Variants in FUT8 observed in about 807,000 individuals in gnomAD.
FUT8 encodes the protein fucosyltransferase 8.
Under a neutral mutation model 71.3 loss-of-function variants are expected in FUT8, and 29 were observed. That is an observed-to-expected ratio of 0.41 (90% CI 0.30 to 0.55). The LOEUF (loss-of-function observed/expected upper bound fraction) is 0.55. Ranked by LOEUF, FUT8 falls within the 20% of genes least tolerant of loss-of-function variation. FUT8 has a pLI of 0.34. For missense variants in FUT8, 544 were observed against 702.1 expected (o/e 0.77, Z 2.55); for synonymous variants, 254 against 239.3 (o/e 1.06, Z -0.57).
At chr14:65,602,473 A>G (rs924006003) in intron 3 of FUT8, among the ~76,000 whole-genome samples, 2 of 150,724 alleles carry the variant, frequency 1.3e-5, no homozygotes, top group Non-Finnish European at 1.5e-5. Context: ...TTGTGCTGCT[A>G]TAAACATGCA....
intron 6 of FUT8, among the ~76,000 whole-genome samples, chr14:65,641,718 A>G (rs1466781529): frequency 6.8e-6 from 1 of 148,106 alleles, no homozygotes; most frequent in Non-Finnish European, 1.5e-5. Flanking sequence ...GTGTATGTGT[A>G]GGGGTATGTC....
intron 6 of FUT8, among the ~76,000 whole-genome samples, chr14:65,641,609 G>A (rs1890836692): frequency 6.6e-6 from 1 of 152,070 alleles, no homozygotes; most frequent in Admixed American, 6.5e-5. Flanking sequence ...AAGTGATTGT[G>A]CCATTTTATA....
chr14:65,698,444 G>GA (rs1894107572), intron 7 of FUT8, among the ~76,000 whole-genome samples: 1 of 152,184 alleles, frequency 6.6e-6, no homozygotes, highest in Non-Finnish European at 1.5e-5. Flanking sequence ...TGAGGCAGAA[G>GA]ACCTATGTAT....
chr14:65,510,590 G>C (rs1180700316), intron 2 of FUT8, among the ~76,000 whole-genome samples: 3 of 151,988 alleles, frequency 2.0e-5, no homozygotes, highest in African/African-American at 4.8e-5. Flanking sequence ...TTTAATTATG[G>C]CTTCAATTTC....
intron 2 of FUT8, among the ~76,000 whole-genome samples, chr14:65,459,787 G>A (rs750486613): frequency 1.3e-5 from 2 of 152,064 alleles, no homozygotes; most frequent in African/African-American, 4.8e-5. Flanking sequence ...CACGAACACT[G>A]CCAGGCCTTG....
chr14:65,397,499 T>G, the FUT8 span, among the ~76,000 whole-genome samples: 1 of 152,214 alleles, frequency 6.6e-6, no homozygotes, highest in Non-Finnish European at 1.5e-5. The surrounding 1 kb of genome is among the most constrained non-coding windows in gnomAD (Gnocchi z 4.2). Flanking sequence ...ATTTTCCCCA[T>G]GTCAGTGTGG....
At chr14:65,394,684 A>C in the FUT8 span, among the ~76,000 whole-genome samples, 90,487 of 151,478 alleles carry the variant, frequency 0.6, 27,213 homozygotes, top group East Asian at 0.77. Flanking sequence ...CCAAATGGGA[A>C]AAATTGGCCA....
chr14:65,642,274 G>A, intron 6 of FUT8, among the ~76,000 whole-genome samples: 1 of 152,022 alleles, frequency 6.6e-6, no homozygotes, highest in East Asian at 1.9e-4. Flanking sequence ...CAAAGATTAT[G>A]TCTTTCCTAT....
intron 6 of FUT8, among the ~76,000 whole-genome samples, chr14:65,637,790 G>T (rs1275899127): frequency 6.6e-6 from 1 of 152,080 alleles, no homozygotes. Flanking sequence ...AAAGCAGGTT[G>T]CCAGAAACGG....
chr14:65,690,809 C>T (rs1157073925), intron 7 of FUT8, among the ~76,000 whole-genome samples: 2 of 151,826 alleles, frequency 1.3e-5, no homozygotes, highest in African/African-American at 4.8e-5. Flanking sequence ...ACTGCAACCT[C>T]TGCCTCCCGG....
At chr14:65,446,608 C>G (rs555648582) in intron 1 of FUT8, among the ~76,000 whole-genome samples, 2 of 146,978 alleles carry the variant, frequency 1.4e-5, no homozygotes, top group Admixed American at 6.8e-5. Context: ...ATACTTGATT[C>G]TTTATTTTTA....
chr14:65,476,990 AT>A (rs2066256142), intron 2 of FUT8, among the ~76,000 whole-genome samples: 1 of 152,238 alleles, frequency 6.6e-6, no homozygotes. Flanking sequence ...AATTAGATTT[AT>A]TCCAAATGTA....
At chr14:65,459,306 A>G (rs1026849207) in intron 2 of FUT8, among the ~76,000 whole-genome samples, 2 of 152,212 alleles carry the variant, frequency 1.3e-5, no homozygotes, top group African/African-American at 2.4e-5. Context: ...TTATGAAAAT[A>G]AAAGCCATAT....
intron 2 of FUT8, among the ~76,000 whole-genome samples, chr14:65,469,747 G>A (rs2066107894): frequency 6.6e-6 from 1 of 152,182 alleles, no homozygotes; most frequent in Non-Finnish European, 1.5e-5. Flanking sequence ...CCAGCTCTCA[G>A]CAGAGACGAT....
At chr14:65,523,845 G>T (rs991216031) in intron 2 of FUT8, among the ~76,000 whole-genome samples, 2 of 152,136 alleles carry the variant, frequency 1.3e-5, no homozygotes, top group South Asian at 2.1e-4. Flanking sequence ...TTTCCCCATT[G>T]CTTGTTTTTG....
chr14:65,364,273 C>T, the FUT8 span, among the ~76,000 whole-genome samples: 23 of 150,588 alleles, frequency 1.5e-4, no homozygotes, highest in Admixed American at 1.5e-3. Flanking sequence ...GGTGAGATCT[C>T]GGCTTACTGC....
At chr14:65,502,682 C>T (rs1391201362) in intron 2 of FUT8, among the ~76,000 whole-genome samples, 1 of 152,242 alleles carries the variant, frequency 6.6e-6, no homozygotes, top group East Asian at 1.9e-4. Context: ...TGATGTTACC[C>T]ATAAACAAAG....
chr14:65,437,777 G>T (rs1056939385), intron 1 of FUT8, among the ~76,000 whole-genome samples: 21 of 152,168 alleles, frequency 1.4e-4, no homozygotes, highest in African/African-American at 4.8e-4. Context: ...AAGGAGATTA[G>T]ATGTGCTTTA....
intron 7 of FUT8, among the ~76,000 whole-genome samples, chr14:65,677,151 T>TGTGCGTGCGC: frequency 9.0e-6 from 1 of 110,702 alleles, no homozygotes; most frequent in South Asian, 3.0e-4. Flanking sequence ...TGTGTGTGTG[T>TGTGCGTGCGC]GCGCGCGCGC....
Sources: gnomAD v4.1 joint callset for allele counts (sites outside exome capture counted in the v4.1 genomes callset) on GRCh38, gnomAD v4.1.1 for gene constraint, Gnocchi (gnomAD v3.1) non-coding constraint, MANE v1.5 for transcripts, NCBI Gene and HGNC (gene_info 2026-07-23, HGNC 2026-07-21) for gene names.